CCDC68: variants seen among roughly 807,000 people sequenced by gnomAD.
The protein encoded by CCDC68 is coiled-coil domain-containing protein 68.
A neutral mutation model predicts 47.1 loss-of-function variants in CCDC68; 45 were observed. The observed-to-expected ratio is 0.96, with a 90% CI of 0.75 to 1.23. The LOEUF is 1.23. CCDC68 is among the 50% of genes most tolerant of loss of function. The probability of loss-of-function intolerance (pLI) is 0.00; values close to 1 mark genes in which losing one functional copy is unlikely to be tolerated. For synonymous variants in CCDC68, 131 were observed against 129.5 expected (o/e 1.01, Z -0.08); for missense variants, 353 against 373.6 (o/e 0.94, Z 0.45).
intron 1 of CCDC68, among the ~76,000 whole-genome samples, chr18:54,956,796 G>A (rs558142905): frequency 6.6e-6 from 1 of 152,186 alleles, no homozygotes; most frequent in South Asian, 2.1e-4. Flanking sequence ...GGATATTTGG[G>A]GAATGATGAA....
intron 1 of CCDC68, among the ~76,000 whole-genome samples, chr18:54,953,869 G>C (rs2044662835): frequency 6.6e-6 from 1 of 151,750 alleles, no homozygotes; most frequent in African/African-American, 2.4e-5. Flanking sequence ...TAGCTTTCTA[G>C]ATGCACAATA....
rs368437688 is a variant in CCDC68, at chr18:54,904,355, A to G, written c.*3T>C. On this transcript the variant is annotated 3_prime_UTR_variant, in exon 12 of 12. Coordinates refer to ENST00000591504, the MANE Select transcript of CCDC68 (RefSeq NM_025214.3). ...TTCTAAATCAGATCTTCATCCAGCCAGTTCATTTCCGTAACCTAATCAACA... is the reference window on the plus strand; with the variant it reads ...TTCTAAATCAGATCTTCATCCAGCCGGTTCATTTCCGTAACCTAATCAACA... 5.6e-6 allele frequency: 9 copies of G among 1,609,730 alleles called. No homozygotes were observed. The highest frequency in any genetic ancestry group is 1.3e-5 in the African/African-American group (1 of 74,852).
chr18:54,940,954 A>T (rs1367933599), intron 4 of CCDC68, 43 bp downstream of exon 4: 1 of 1,407,128 alleles, frequency 7.1e-7, no homozygotes. Context: ...TACTTTAAAA[A>T]GTCTAAATGG....
intron 7 of CCDC68, among the ~76,000 whole-genome samples, chr18:54,931,925 G>A (rs75150072): frequency 5.3e-5 from 8 of 152,114 alleles, no homozygotes; most frequent in African/African-American, 1.4e-4. Flanking sequence ...GGGCACCTAC[G>A]ACCAGGCCAA....
intron 11 of CCDC68, among the ~76,000 whole-genome samples, chr18:54,905,870 T>A (rs183284834): frequency 1.2e-4 from 18 of 152,264 alleles, no homozygotes; most frequent in African/African-American, 4.3e-4. Context: ...CCACCTCCTG[T>A]CAGATCAGCA....
intron 6 of CCDC68, 27 bp from the exon 7 acceptor site, chr18:54,934,975 T>G (rs780791225): frequency 6.6e-7 from 1 of 1,515,862 alleles, no homozygotes; most frequent in South Asian, 1.3e-5. Context: ...AGTTGTGTTG[T>G]GAAAACTCTG....
At chr18:54,920,813 C>G (rs1350009332) in intron 8 of CCDC68, among the ~76,000 whole-genome samples, 1 of 152,196 alleles carries the variant, frequency 6.6e-6, no homozygotes, top group African/African-American at 2.4e-5. Context: ...AAAAATAGAA[C>G]TACCATTCAA....
At chr18:54,916,963 T>G (rs944676646) in intron 10 of CCDC68, among the ~76,000 whole-genome samples, 2 of 152,222 alleles carry the variant, frequency 1.3e-5, no homozygotes, top group Admixed American at 6.5e-5. Flanking sequence ...CCTGCTGCTA[T>G]GCAAGCTATG....
rs760002688 is a variant in CCDC68 at position 54,919,291 on chromosome 18, G to T, written c.769C>A (p.Leu257Met). The stretch of plus-strand genomic sequence containing the variant: ...CTGACCTCCTGGATGACACTGCGCA[G>T]GTTCTGATGTTGGGAGTGAATCACA... The part of the protein sequence containing the change: ...QFVIHSQHQN[L>M]RSVIQEMEGL... The change falls in exon 9 of 12, where the codon CTG becomes ATG. Residue 257 changes from leucine (L) to methionine (M), a missense_variant. Transcript: ENST00000591504. 1.2e-6 allele frequency: 2 copies of T among 1,613,686 alleles called. No individual in the cohort carries two copies. The highest frequency in any genetic ancestry group is 1.7e-5 in the Admixed American group (1 of 60,020).
At chr18:54,954,039 C>CCTTT (rs201481771) in intron 1 of CCDC68, among the ~76,000 whole-genome samples, 23,868 of 108,112 alleles carry the variant, frequency 0.22, 2,760 homozygotes, top group Middle Eastern at 0.24. Flanking sequence ...TTCCCTCCTT[C>CCTTT]CTTTCTTTCT....
intron 8 of CCDC68, among the ~76,000 whole-genome samples, chr18:54,928,036 G>A (rs1373453993): frequency 1.3e-5 from 2 of 152,092 alleles, no homozygotes; most frequent in Non-Finnish European, 2.9e-5. Context: ...AACAGTTCTA[G>A]GATGACAAAC....
At chr18:54,953,469 A>G (rs1394574540) in intron 1 of CCDC68, among the ~76,000 whole-genome samples, 1 of 152,164 alleles carries the variant, frequency 6.6e-6, no homozygotes, top group Non-Finnish European at 1.5e-5. Context: ...CTTCATTCAA[A>G]TTCTTGACCC....
chr18:54,913,062 A>G (rs1226190988), intron 10 of CCDC68, among the ~76,000 whole-genome samples: 1 of 152,158 alleles, frequency 6.6e-6, no homozygotes, highest in Non-Finnish European at 1.5e-5. Flanking sequence ...ATAAGCAGAT[A>G]TTGATGGGCA....
intron 1 of CCDC68, among the ~76,000 whole-genome samples, chr18:54,951,324 G>A (rs2044617083): frequency 6.6e-6 from 1 of 152,168 alleles, no homozygotes; most frequent in Admixed American, 6.5e-5. Flanking sequence ...CTGCAAAAAG[G>A]TACAAAGCAC....
intron 1 of CCDC68, among the ~76,000 whole-genome samples, chr18:54,953,771 A>G (rs990229221): frequency 1.9e-4 from 29 of 152,242 alleles, no homozygotes; most frequent in Non-Finnish European, 4.1e-4. Context: ...ACAATAATAC[A>G]TAAGAAATAT....
chr18:54,957,508 T>C (rs79381235), intron 1 of CCDC68, among the ~76,000 whole-genome samples: 2,484 of 152,160 alleles, frequency 0.016, 61 homozygotes, highest in African/African-American at 0.057. Context: ...TCCCATCTGG[T>C]TCTCCCACAC....
intron 8 of CCDC68, among the ~76,000 whole-genome samples, chr18:54,920,321 C>T (rs1015129612): frequency 6.7e-6 from 1 of 148,582 alleles, no homozygotes; most frequent in South Asian, 2.1e-4. Flanking sequence ...TGTAGTGAGG[C>T]GATCTTGGCT....
intron 11 of CCDC68, 114 bp from the exon 12 acceptor site, chr18:54,904,529 G>T: frequency 1.3e-6 from 1 of 786,996 alleles, no homozygotes; most frequent in Non-Finnish European, 2.1e-6. Flanking sequence ...TGAACTAACT[G>T]CTTTGTTCTA....
intron 6 of CCDC68, among the ~76,000 whole-genome samples, chr18:54,935,493 T>C (rs897841884): frequency 6.6e-6 from 1 of 152,176 alleles, no homozygotes; most frequent in Non-Finnish European, 1.5e-5. Flanking sequence ...TGTGTGTATT[T>C]AACAAAGCTT....
Sources: gnomAD v4.1 joint callset for allele counts (sites outside exome capture counted in the v4.1 genomes callset) on GRCh38, gnomAD v4.1.1 for gene constraint, MANE v1.5 for transcripts, NCBI Gene and HGNC (gene_info 2026-07-23, HGNC 2026-07-21) for gene names.